The following EXOC4 variants were observed in gnomAD, a reference collection of about 807,000 sequenced individuals.
EXOC4 encodes the protein exocyst complex component 4.
In EXOC4, 71 loss-of-function variants were observed where a neutral mutation model predicts 107.2. The observed-to-expected ratio is 0.66, with a 90% CI of 0.55 to 0.81. EXOC4 has a LOEUF of 0.81. Among genes scored for constraint, EXOC4 ranks in the 30% least tolerant of loss-of-function variants. EXOC4 has a pLI of 0.00. For missense variants in EXOC4, 1,108 were observed against 1,189.6 expected, an observed-to-expected ratio of 0.93 and a Z score of 1.01; for synonymous variants, 456 against 441.2, an observed-to-expected ratio of 1.03 and a Z score of -0.42.
intron 1 of EXOC4, among the ~76,000 whole-genome samples, chr7:133,273,193 G>A (rs1384006222): frequency 6.6e-6 from 1 of 152,304 alleles, no homozygotes; most frequent in South Asian, 2.1e-4. Context: ...GCAAAGTTGT[G>A]TATCATTAAA....
rs1296101122 is a variant in EXOC4, at chr7:133,458,937, TA to T, written c.1183-16389del. Among the ~76,000 whole-genome samples the T allele has an allele frequency of 6.1e-5, 9 of 147,660 alleles. No homozygotes were observed. The East Asian group carries it at 1.5e-3, about 25-fold the overall frequency. On this transcript the variant is annotated intron_variant, in intron 7 of 17. Transcript: ENST00000253861. ...ATTTCAGAAACCTGTACTTAACCTT[TA>T]ATTGTCACTCCATTTACATGGAAAT...
chr7:133,648,510 G>A (rs1298143929), intron 10 of EXOC4, among the ~76,000 whole-genome samples: 1 of 152,014 alleles, frequency 6.6e-6, no homozygotes, highest in Non-Finnish European at 1.5e-5. Context: ...ATTGTGAATT[G>A]GCTTTAAACA....
Position 133,873,594 on chromosome 7 carries a change from G to C in EXOC4, c.1735-22005G>C, listed in dbSNP as rs140661250. Among the ~76,000 whole-genome samples, 295 of 152,266 alleles carry C rather than the reference G, an allele frequency of 1.9e-3. 11 individuals carry two copies. The East Asian group carries it at 0.05, about 26-fold the overall frequency. On this transcript the variant is annotated intron_variant, in intron 11 of 17. Transcript: ENST00000253861. ...TTCCTCCTGTTTTTGGTGTTAAAAC[G>C]TCGCCATTATTTTATGAAAACAGTG...
intron 14 of EXOC4, among the ~76,000 whole-genome samples, chr7:133,957,596 C>T (rs1388927842): frequency 1.3e-5 from 2 of 152,152 alleles, no homozygotes; most frequent in Non-Finnish European, 2.9e-5. Context: ...ATGGATTACT[C>T]CATCATTTCT....
At chr7:133,538,036 C>A (rs372766443) in intron 9 of EXOC4, among the ~76,000 whole-genome samples, 1 of 151,984 alleles carries the variant, frequency 6.6e-6, no homozygotes, top group Admixed American at 6.6e-5. Context: ...GTATCTGAGG[C>A]CATAAGAGTA....
chr7:133,907,643 A>C (rs534513353), intron 12 of EXOC4, among the ~76,000 whole-genome samples: 2 of 152,328 alleles, frequency 1.3e-5, no homozygotes, highest in Non-Finnish European at 2.9e-5. Flanking sequence ...TTTCGAGACC[A>C]GCCTGGCCAA....
chr7:133,391,839 A>G (rs746995243), intron 7 of EXOC4, among the ~76,000 whole-genome samples: 3 of 152,202 alleles, frequency 2.0e-5, no homozygotes, highest in Admixed American at 6.5e-5. Flanking sequence ...AGTGCTTGCT[A>G]TAATGTGAGA....
intron 11 of EXOC4, among the ~76,000 whole-genome samples, chr7:133,851,515 G>A (rs1485421786): frequency 6.6e-6 from 1 of 152,184 alleles, no homozygotes; most frequent in Non-Finnish European, 1.5e-5. Context: ...GATGGGGAAA[G>A]CATCTCAGAA....
chr7:133,918,288 C>G (rs1799857197), intron 13 of EXOC4, among the ~76,000 whole-genome samples: 1 of 152,140 alleles, frequency 6.6e-6, no homozygotes, highest in African/African-American at 2.4e-5. Context: ...CCTAAAATAT[C>G]TTTTAATTTA....
intron 11 of EXOC4, among the ~76,000 whole-genome samples, chr7:133,826,099 G>A (rs1033972260): frequency 1.3e-5 from 2 of 152,124 alleles, no homozygotes; most frequent in Non-Finnish European, 2.9e-5. Flanking sequence ...CTTTATTGAG[G>A]AAGATGGAGT....
chr7:133,450,267 A>C (rs1401026498), intron 7 of EXOC4, among the ~76,000 whole-genome samples: 1 of 152,056 alleles, frequency 6.6e-6, no homozygotes, highest in Non-Finnish European at 1.5e-5. Flanking sequence ...CGGCTCAAGC[A>C]ATCCTCCTGC....
intron 10 of EXOC4, among the ~76,000 whole-genome samples, chr7:133,707,458 C>CA (rs1283597060): frequency 1.3e-5 from 2 of 150,690 alleles, no homozygotes; most frequent in Non-Finnish European, 3.0e-5. Context: ...AGAGTCTACT[C>CA]AAAAAAGTCA....
chr7:133,653,332 T>C (rs1803207917), intron 10 of EXOC4, among the ~76,000 whole-genome samples: 2 of 152,202 alleles, frequency 1.3e-5, no homozygotes, highest in South Asian at 4.1e-4. Context: ...ATTGCCATGA[T>C]AAAATGCTCT....
intron 14 of EXOC4, among the ~76,000 whole-genome samples, chr7:133,985,471 G>A (rs955034036): frequency 2.0e-5 from 3 of 152,184 alleles, no homozygotes; most frequent in Non-Finnish European, 4.4e-5. Context: ...CCTAGAAGCT[G>A]CTTAAACAAC....
chr7:133,891,684 A>G (rs1255229648), intron 11 of EXOC4, among the ~76,000 whole-genome samples: 29 of 94,744 alleles, frequency 3.1e-4, no homozygotes, highest in African/African-American at 1.9e-3. Flanking sequence ...TGAGATAATC[A>G]TGTGGTTTTT....
intron 13 of EXOC4, among the ~76,000 whole-genome samples, chr7:133,917,985 C>CTTT (rs779537433): frequency 1.1e-4 from 15 of 142,092 alleles, no homozygotes; most frequent in Non-Finnish European, 1.7e-4. Flanking sequence ...ATTAAAATAT[C>CTTT]TTTTTTTTTT....
chr7:133,331,106 T>C (rs981522922), intron 5 of EXOC4, among the ~76,000 whole-genome samples: 4 of 152,138 alleles, frequency 2.6e-5, no homozygotes, highest in Non-Finnish European at 5.9e-5. Flanking sequence ...AAACATTTAC[T>C]TATAAAATGC....
At chr7:133,503,007 A>G (rs1044205027) in intron 9 of EXOC4, among the ~76,000 whole-genome samples, 1 of 152,144 alleles carries the variant, frequency 6.6e-6, no homozygotes, top group African/African-American at 2.4e-5. Context: ...TGAATTGCCT[A>G]TCTATAAATA....
At chr7:133,717,094 C>G (rs1269725861) in intron 10 of EXOC4, among the ~76,000 whole-genome samples, 1 of 152,010 alleles carries the variant, frequency 6.6e-6, no homozygotes, top group Non-Finnish European at 1.5e-5. Flanking sequence ...AAATTGGTAT[C>G]CCGAATAGAT....
Sources: gnomAD v4.1 joint callset for allele counts (sites outside exome capture counted in the v4.1 genomes callset) on GRCh38, gnomAD v4.1.1 for gene constraint, MANE v1.5 for transcripts, NCBI Gene and HGNC (gene_info 2026-07-23, HGNC 2026-07-21) for gene names.